The following ZNF644 variants were observed in gnomAD, a reference collection of about 807,000 sequenced individuals.
ZNF644 encodes zinc finger protein 644.
ZNF644 carries 20 observed loss-of-function variants against 108.0 expected under a neutral mutation model. That is an observed-to-expected ratio of 0.19 (90% CI 0.13 to 0.27). The LOEUF is 0.27. Among genes scored for constraint, ZNF644 ranks in the 10% least tolerant of loss-of-function variants. ZNF644 has a pLI of 1.00. For synonymous variants in ZNF644, 542 were observed against 539.1 expected (o/e 1.01, Z -0.08); for missense variants, 1,338 against 1,548.9 (o/e 0.86, Z 2.29).
At chr1:91,005,919 T>C (rs562708952) in intron 1 of ZNF644, among the ~76,000 whole-genome samples, 71 of 146,654 alleles carry the variant, frequency 4.8e-4, no homozygotes, top group African/African-American at 1.7e-3. Context: ...ACAGCAGAAA[T>C]AGAGAACAGA....
intron 2 of ZNF644, among the ~76,000 whole-genome samples, chr1:90,943,498 C>G (rs1210036823): frequency 6.6e-6 from 1 of 152,114 alleles, no homozygotes; most frequent in African/African-American, 2.4e-5. Context: ...TATTTTATAA[C>G]TTAGAACAAG....
chr1:90,919,087 G>T (rs188817048), intron 4 of ZNF644, among the ~76,000 whole-genome samples: 40 of 151,938 alleles, frequency 2.6e-4, no homozygotes, highest in Admixed American at 9.8e-4. Flanking sequence ...ATTTTAAAAA[G>T]AAAAAAAGGT....
Position 90,939,101 on chromosome 1 carries a change from T to C in ZNF644, c.2253A>G (p.Lys751=). ...GCACAGGATATGATTCACCTGATTT[T>C]TTGATCATCCTATAGTTTTCATATT... ...RHKYENYRMI[K]KSGESYPVHF... The change falls in exon 3 of 6, where the codon AAA becomes AAG. Residue 751 remains lysine (K), a synonymous_variant. Transcript: ENST00000337393. The C allele has an allele frequency of 6.2e-7, 1 of 1,614,016 alleles. No homozygotes were observed. The highest frequency in any genetic ancestry group is 1.7e-4 in the Middle Eastern group (1 of 6,060).
At chr1:90,986,863 A>G (rs1657152482) in intron 1 of ZNF644, among the ~76,000 whole-genome samples, 1 of 151,972 alleles carries the variant, frequency 6.6e-6, no homozygotes, top group Admixed American at 6.5e-5. Flanking sequence ...CTAAACACCA[A>G]TAACAGAAGG....
chr1:90,917,060 T>C lies in ZNF644; in HGVS notation c.3792-70A>G, dbSNP rs556934611. 4 of 1,481,982 alleles carry C rather than the reference T, an allele frequency of 2.7e-6. No homozygotes were observed. In the African/African-American group the frequency reaches 5.6e-5, roughly 21 times the overall value. The allele number at this position is 1,481,982 out of a possible 1,614,324, so 91.8% of individuals were successfully genotyped here. ...TTTAAAACTAATTCACACAAAATCC[T>C]AAAACATAAGGAATAAACTTTATCA... On this transcript the variant is annotated intron_variant, in intron 5 of 5. Coordinates refer to ENST00000337393, the MANE Select transcript of ZNF644 (RefSeq NM_201269.3).
intron 4 of ZNF644, among the ~76,000 whole-genome samples, chr1:90,927,649 T>C (rs1650203710): frequency 6.7e-6 from 1 of 149,300 alleles, no homozygotes; most frequent in South Asian, 2.2e-4. Context: ...TGCAGATAAA[T>C]GTATACACAT....
intron 1 of ZNF644, among the ~76,000 whole-genome samples, chr1:90,995,517 T>C (rs547471462): frequency 2.0e-5 from 3 of 152,252 alleles, no homozygotes; most frequent in African/African-American, 7.2e-5. Context: ...GTAGAAAATG[T>C]TGACTTAACA....
rs556030052 is a variant in ZNF644 at position 90,997,554 on chromosome 1, TA to T, written c.-17-15185del. ...TATTCAACAAAAAATTACAAGATATTAAAAAAAAAAGGGGAGGGGGGCGGTT... is the reference window on the plus strand; with the variant it reads ...TATTCAACAAAAAATTACAAGATATTAAAAAAAAAGGGGAGGGGGGCGGTT... On this transcript the variant is annotated intron_variant, in intron 1 of 5. Transcript: ENST00000337393. Among the ~76,000 whole-genome samples the T allele has an allele frequency of 7.5e-3, 1,078 of 143,944 alleles. 16 individuals carry two copies. Among genetic ancestry groups the T allele is most frequent in the African/African-American group, 0.025 (988 of 39,478 alleles). 94.4% of individuals were successfully genotyped at this position (143,944 alleles called of 152,430 possible).
chr1:90,939,514 C>T lies in ZNF644; in HGVS notation c.1840G>A (p.Val614Ile), dbSNP rs1651723870. ...HTEYLHSSSC[V>I]DSFGSPLGLD... ...CCAAGAGGACTACCAAATGAATCAACACATGATGATGAATGCAAGTACTCC... is the reference window on the plus strand; with the variant it reads ...CCAAGAGGACTACCAAATGAATCAATACATGATGATGAATGCAAGTACTCC... Residue 614 changes from valine (V) to isoleucine (I), a missense_variant, in exon 3 of 6, where the codon GTT becomes ATT. Transcript: ENST00000337393. 6.2e-7 allele frequency: 1 copy of T among 1,613,914 alleles called. No individual in the cohort carries two copies. Among genetic ancestry groups the T allele is most frequent in the Middle Eastern group, 1.6e-4 (1 of 6,062 alleles).
At chr1:90,942,528 G>A (rs1357602307) in intron 2 of ZNF644, among the ~76,000 whole-genome samples, 1 of 152,084 alleles carries the variant, frequency 6.6e-6, no homozygotes, top group East Asian at 1.9e-4. Flanking sequence ...TACATCACTT[G>A]CCATAGGTGC....
rs189660530 is a variant in ZNF644 at position 90,977,799 on chromosome 1, C to G, written c.44+4511G>C. On this transcript the variant is annotated intron_variant, in intron 2 of 5. Coordinates refer to ENST00000337393, the MANE Select transcript of ZNF644 (RefSeq NM_201269.3). ...TATTTATTGCAGCAGTACTTATATACAGGCAAAAAATCCTGAGACTTACCT... is the reference window on the plus strand; with the variant it reads ...TATTTATTGCAGCAGTACTTATATAGAGGCAAAAAATCCTGAGACTTACCT... Among the ~76,000 whole-genome samples the G allele has an allele frequency of 2.6e-4, 40 of 152,160 alleles. No individual in the cohort carries two copies. The East Asian group carries it at 6.0e-3, about 23-fold the overall frequency.
chr1:90,992,516 T>C (rs1657742909), intron 1 of ZNF644, among the ~76,000 whole-genome samples: 1 of 152,152 alleles, frequency 6.6e-6, no homozygotes, highest in East Asian at 1.9e-4. Flanking sequence ...AGACCTGATG[T>C]ATGAAACAAA....
chr1:90,923,263 T>C (rs558073173), intron 4 of ZNF644, among the ~76,000 whole-genome samples: 6 of 152,126 alleles, frequency 3.9e-5, no homozygotes, highest in African/African-American at 1.4e-4. Flanking sequence ...ACTTTGCAAA[T>C]AGCAGCCCTG....
intron 1 of ZNF644, among the ~76,000 whole-genome samples, chr1:91,007,546 C>A (rs1282852967): frequency 6.6e-6 from 1 of 152,058 alleles, no homozygotes; most frequent in Non-Finnish European, 1.5e-5. Flanking sequence ...AACGTGCATG[C>A]AAGTGTGATC....
chr1:90,917,058 C>A (rs1648849796), intron 5 of ZNF644, 68 bp from the exon 6 acceptor site: 3 of 1,493,166 alleles, frequency 2.0e-6, no homozygotes, highest in South Asian at 1.2e-5. Context: ...CACACAAAAT[C>A]CTAAAACATA....
At chr1:90,977,154 A>T (rs1373547898) in intron 2 of ZNF644, among the ~76,000 whole-genome samples, 1 of 152,154 alleles carries the variant, frequency 6.6e-6, no homozygotes, top group Non-Finnish European at 1.5e-5. Context: ...AAAGTATTCT[A>T]ATGATTGCGT....
chr1:90,998,981 G>C (rs953627103), intron 1 of ZNF644, among the ~76,000 whole-genome samples: 2 of 152,076 alleles, frequency 1.3e-5, no homozygotes, highest in Non-Finnish European at 2.9e-5. Flanking sequence ...AATGAAATGA[G>C]AAGTTTAGAG....
chr1:90,959,034 T>C (rs1224311688), intron 2 of ZNF644, among the ~76,000 whole-genome samples: 1 of 152,140 alleles, frequency 6.6e-6, no homozygotes, highest in East Asian at 1.9e-4. Context: ...TTGAAATATA[T>C]TAATATCCAG....
In ZNF644 at chr1:90,916,707, A is replaced by C. The variant is rs189280996; in HGVS notation, c.*91T>G. 1.9e-4 allele frequency: 277 copies of C among 1,428,954 alleles called. 1 individual carries two copies. The African/African-American group carries it at 2.2e-3, about 11-fold the overall frequency. 88.5% of individuals were successfully genotyped at this position (1,428,954 alleles called of 1,614,324 possible). ...TTTCCCCCCATTTTCCTGCTTTAGT[A>C]TTTATAAACAGATAATTTAATGTGG... On this transcript the variant is annotated 3_prime_UTR_variant, in exon 6 of 6. Transcript: ENST00000337393.
Sources: gnomAD v4.1 joint callset for allele counts (sites outside exome capture counted in the v4.1 genomes callset) on GRCh38, gnomAD v4.1.1 for gene constraint, MANE v1.5 for transcripts, NCBI Gene and HGNC (gene_info 2026-07-23, HGNC 2026-07-21) for gene names.